DLD: variants seen among roughly 807,000 people sequenced by gnomAD.
DLD encodes dihydrolipoyl dehydrogenase, mitochondrial.
A neutral mutation model predicts 62.2 loss-of-function variants in DLD; 36 were observed. That is an observed-to-expected ratio of 0.58 (90% CI 0.44 to 0.76). DLD has a LOEUF of 0.76. DLD is among the 30% of genes least tolerant of loss of function. The pLI, the probability that DLD is intolerant of heterozygous loss-of-function variation, is 0.00. For missense variants in DLD, 541 were observed against 608.6 expected, an observed-to-expected ratio of 0.89 and a Z score of 1.17; for synonymous variants, 204 against 199.6, an observed-to-expected ratio of 1.02 and a Z score of -0.19.
chr7:107,908,765 A>G (rs1179714861), intron 8 of DLD, among the ~76,000 whole-genome samples: 1 of 151,942 alleles, frequency 6.6e-6, no homozygotes, highest in Non-Finnish European at 1.5e-5. Flanking sequence ...TCATTTTTTG[A>G]GTCCTTAGTA....
At chr7:107,894,424 G>A (rs2031666405) in intron 2 of DLD, among the ~76,000 whole-genome samples, 1 of 152,100 alleles carries the variant, frequency 6.6e-6, no homozygotes. Flanking sequence ...GGTAGGGGGA[G>A]GATTCTAGTA....
At chr7:107,901,430 G>C (rs80139956) in intron 2 of DLD, among the ~76,000 whole-genome samples, 1,640 of 152,200 alleles carry the variant, frequency 0.011, 26 homozygotes, top group African/African-American at 0.037. Context: ...AATTCCGTCA[G>C]TTATTAAATC....
chr7:107,891,221 T>A lies in DLD; in HGVS notation c.-30T>A. 6.2e-7 allele frequency: 1 copy of A among 1,613,834 alleles called. No individual in the cohort carries two copies. Among genetic ancestry groups the A allele is most frequent in the Middle Eastern group, 1.7e-4 (1 of 6,060 alleles). On this transcript the variant is annotated 5_prime_UTR_variant, in exon 1 of 14. Coordinates refer to ENST00000205402, the MANE Select transcript of DLD (RefSeq NM_000108.5). ...CGGAGGCGCCCAGCGGAGGTGAAAG[T>A]ATTGGCGGAAAGGAAAATACAGCGG...
chr7:107,902,216 A>G, intron 3 of DLD, 109 bp from the exon 4 acceptor site: 1 of 961,240 alleles, frequency 1.0e-6, no homozygotes. Context: ...CTGTGAAAAC[A>G]TAGCCCGAAT....
intron 2 of DLD, among the ~76,000 whole-genome samples, chr7:107,895,972 G>A (rs3801936): frequency 0.11 from 16,829 of 152,194 alleles, 1,297 homozygotes; most frequent in East Asian, 0.34. Context: ...TTATTTCTAG[G>A]TAGATGGAAC....
At chr7:107,893,111 T>C in intron 1 of DLD, 89 bp from the exon 2 acceptor site, 1 of 1,017,064 alleles carries the variant, frequency 9.8e-7, no homozygotes, top group Non-Finnish European at 1.5e-6. Flanking sequence ...TTGATACGTT[T>C]GCCCAAAATT....
chr7:107,904,709 G>A (rs975940760), intron 5 of DLD: 2 of 578,130 alleles, frequency 3.5e-6, no homozygotes, highest in African/African-American at 3.7e-5. Context: ...ATCACAGTGG[G>A]ATATAATGTT....
At chr7:107,918,828 T>TC (rs914244905) in intron 12 of DLD, among the ~76,000 whole-genome samples, 182 bp from the exon 13 acceptor site, 1 of 152,218 alleles carries the variant, frequency 6.6e-6, no homozygotes, top group Non-Finnish European at 1.5e-5. Context: ...GCCCTTTGGC[T>TC]CCAGAGCCCA....
chr7:107,920,413 A>C lies in DLD; in HGVS notation c.*1154A>C, dbSNP rs1247175126. On this transcript the variant is annotated 3_prime_UTR_variant, in exon 14 of 14. Coordinates refer to ENST00000205402, the MANE Select transcript of DLD (RefSeq NM_000108.5). Reference sequence around the variant, plus strand: ...AGATTGTCTCATGCTCATGAGTGACATAATGACCCTGGATTCTGTTACATA... The same window carrying C: ...AGATTGTCTCATGCTCATGAGTGACCTAATGACCCTGGATTCTGTTACATA... 6.6e-6 allele frequency: 1 copy of C among 152,294 alleles called. No homozygotes were observed. Among genetic ancestry groups the C allele is most frequent in the Non-Finnish European group, 1.5e-5 (1 of 68,050 alleles). The allele number at this position is 152,294 out of a possible 1,614,324, so 9.4% of individuals were successfully genotyped here. A position where few individuals can be genotyped will look rare whatever the true frequency, so the allele number is the denominator to read the frequency against.
chr7:107,916,031 G>C (rs2032260211), intron 9 of DLD, among the ~76,000 whole-genome samples: 1 of 151,952 alleles, frequency 6.6e-6, no homozygotes, highest in Non-Finnish European at 1.5e-5. Context: ...TATATGTCTG[G>C]TACTCTACTG....
intron 7 of DLD, chr7:107,905,874 C>A (rs2031993529): frequency 3.1e-6 from 1 of 324,722 alleles, no homozygotes; most frequent in Admixed American, 4.8e-5. Context: ...TTTATAAATA[C>A]ATTTATCTCT....
At chr7:107,892,413 T>C (rs1245467652) in intron 1 of DLD, among the ~76,000 whole-genome samples, 2 of 152,222 alleles carry the variant, frequency 1.3e-5, no homozygotes, top group African/African-American at 4.8e-5. Context: ...CTTCATAGAT[T>C]GTTCTAAGTA....
intron 2 of DLD, among the ~76,000 whole-genome samples, chr7:107,899,975 A>C (rs1173345253): frequency 8.0e-6 from 1 of 124,816 alleles, no homozygotes; most frequent in Non-Finnish European, 1.8e-5. Flanking sequence ...TTGGTTCAAG[A>C]TTTGAAAATA....
chr7:107,915,270 A>G (rs1211869349), intron 8 of DLD, among the ~76,000 whole-genome samples: 1 of 152,234 alleles, frequency 6.6e-6, no homozygotes, highest in African/African-American at 2.4e-5. Context: ...ATGTATGCCT[A>G]GAAGCTAAAA....
At position 107,891,238 on chromosome 7, in the gene DLD, A is replaced by G. The variant is rs2116149802; in HGVS notation, c.-13A>G. On this transcript the variant is annotated 5_prime_UTR_variant, in exon 1 of 14. Transcript: ENST00000205402. ...GGTGAAAGTATTGGCGGAAAGGAAA[A>G]TACAGCGGAAAAATGCAGAGCTGGA... is the stretch of plus-strand genomic sequence containing the variant. 1 of 1,614,102 alleles carries G rather than the reference A, an allele frequency of 6.2e-7. No homozygotes were observed. Among genetic ancestry groups the G allele is most frequent in the African/African-American group, 1.3e-5 (1 of 75,054 alleles).
chr7:107,915,642 T>C lies in DLD; in HGVS notation c.821T>C (p.Leu274Ser). The change falls in exon 9 of 14, where the codon TTG becomes TCG. Residue 274 changes from leucine (L) to serine (S), a missense_variant. Leu to Ser is a moderately radical substitution (Grantham distance 145). Transcript: ENST00000205402. ...CAAAAACAGGGGTTTAAATTTAAAT[T>C]GAATACAAAGGTTACTGGTGCTACC... ...ILQKQGFKFK[L>S]NTKVTGATKK... 1 of 1,613,764 alleles carries C rather than the reference T, an allele frequency of 6.2e-7. No individual in the cohort carries two copies. Among genetic ancestry groups the C allele is most frequent in the Non-Finnish European group, 8.5e-7 (1 of 1,179,840 alleles).
chr7:107,907,050 A>G lies in DLD; in HGVS notation c.684+682A>G, dbSNP rs77160883. 9.1e-3 allele frequency among the ~76,000 whole-genome samples: 1,387 copies of G among 152,230 alleles called. 19 individuals carry two copies. Among genetic ancestry groups the G allele is most frequent in the African/African-American group, 0.032 (1,317 of 41,532 alleles). ...CCCTTTTTTAGGTTTTCTAGTCCAT[A>G]GATCTACTTTTTTGCAATCTTCCCT... On this transcript the variant is annotated intron_variant, in intron 8 of 13. Coordinates refer to ENST00000205402, the MANE Select transcript of DLD (RefSeq NM_000108.5).
Position 107,891,203 on chromosome 7 carries a change from G to A in DLD, c.-48G>A, listed in dbSNP as rs555589405. On this transcript the variant is annotated 5_prime_UTR_variant, in exon 1 of 14. Coordinates refer to ENST00000205402, the MANE Select transcript of DLD (RefSeq NM_000108.5). ...GAGACCTTGGCGGAGCGGCGGAGGC[G>A]CCCAGCGGAGGTGAAAGTATTGGCG... is the stretch of plus-strand genomic sequence containing the variant. 3.7e-6 allele frequency: 6 copies of A among 1,611,838 alleles called. No homozygotes were observed. The highest frequency in any genetic ancestry group is 3.3e-5 in the South Asian group (3 of 90,958).
At chr7:107,891,444 C>G (rs918655359) in intron 1 of DLD, 155 bp downstream of exon 1, 41 of 828,860 alleles carry the variant, frequency 4.9e-5, no homozygotes, top group Non-Finnish European at 8.2e-5. Flanking sequence ...CAGCCCGGCC[C>G]TGGGCTCCGA....
Sources: gnomAD v4.1 joint callset for allele counts (sites outside exome capture counted in the v4.1 genomes callset) on GRCh38, gnomAD v4.1.1 for gene constraint, MANE v1.5 for transcripts, NCBI Gene and HGNC (gene_info 2026-07-23, HGNC 2026-07-21) for gene names.